Variants in RGS7 observed in about 807,000 individuals in gnomAD.
RGS7 encodes the protein regulator of G protein signaling 7, also known as regulator of G-protein signaling 7.
In RGS7, 27 loss-of-function variants were observed where a neutral mutation model predicts 81.1. The ratio of observed to expected loss-of-function variants is 0.33; its 90% CI spans 0.25 to 0.46. The LOEUF is 0.46. RGS7 is among the 20% of genes least tolerant of loss of function. The pLI is 1.00. For synonymous variants in RGS7, 208 were observed against 207.7 expected (o/e 1.00, Z -0.01); for missense variants, 396 against 607.4 (o/e 0.65, Z 3.66).
chr1:241,288,614 T>G (rs2078940424), intron 2 of RGS7, among the ~76,000 whole-genome samples: 1 of 152,170 alleles, frequency 6.6e-6, no homozygotes, highest in South Asian at 2.1e-4. Context: ...GGTGCTTTGC[T>G]GCAGAGCCCA....
At chr1:241,221,037 GGAA>G (rs2074941074) in intron 2 of RGS7, among the ~76,000 whole-genome samples, 1 of 80,152 alleles carries the variant, frequency 1.2e-5, no homozygotes, top group African/African-American at 4.7e-5. Context: ...AAGGAAGGAA[GGAA>G]AAGAAAGAAA....
At chr1:241,124,808 T>C (rs1387878707) in intron 2 of RGS7, among the ~76,000 whole-genome samples, 1 of 152,142 alleles carries the variant, frequency 6.6e-6, no homozygotes, top group African/African-American at 2.4e-5. Flanking sequence ...AGGAGAGCTA[T>C]GGAAGTAGTG....
intron 2 of RGS7, among the ~76,000 whole-genome samples, chr1:241,106,509 T>C (rs1477953061): frequency 1.3e-5 from 2 of 151,656 alleles, no homozygotes; most frequent in African/African-American, 4.8e-5. Context: ...AGGTCCGGAG[T>C]TTGAGACCAG....
At chr1:241,002,186 C>T (rs190859513) in intron 3 of RGS7, among the ~76,000 whole-genome samples, 2 of 152,198 alleles carry the variant, frequency 1.3e-5, no homozygotes, top group African/African-American at 4.8e-5. Flanking sequence ...ATGGCTCATG[C>T]TGGTAATCCC....
chr1:241,233,368 T>A (rs1248764569), intron 2 of RGS7, among the ~76,000 whole-genome samples: 1 of 152,190 alleles, frequency 6.6e-6, no homozygotes, highest in Non-Finnish European at 1.5e-5. Context: ...ATTAATCAAC[T>A]TCTCTTCCCT....
chr1:241,291,589 C>CTTTTTTTTTTTTTTTTTTTTTT (rs1237514486), intron 2 of RGS7, among the ~76,000 whole-genome samples: 2 of 40,802 alleles, frequency 4.9e-5, no homozygotes, highest in Non-Finnish European at 9.7e-5. Flanking sequence ...TTTTTTTTTG[C>CTTTTTTTTTTTTTTTTTTTTTT]TTTTTTGAGA....
At chr1:240,916,443 C>T (rs1334512202) in intron 6 of RGS7, among the ~76,000 whole-genome samples, 1 of 152,002 alleles carries the variant, frequency 6.6e-6, no homozygotes, top group African/African-American at 2.4e-5. Context: ...GAGATTTTCC[C>T]CAAGTTAATG....
chr1:241,321,440 G>A (rs569314025), intron 2 of RGS7, among the ~76,000 whole-genome samples: 3 of 152,174 alleles, frequency 2.0e-5, no homozygotes, highest in Admixed American at 6.5e-5. Context: ...CCTCACTCGG[G>A]CTCTATGCAC....
At chr1:241,155,904 C>G (rs779495980) in intron 2 of RGS7, among the ~76,000 whole-genome samples, 8 of 152,024 alleles carry the variant, frequency 5.3e-5, no homozygotes, top group Non-Finnish European at 7.4e-5. Context: ...GTCTCTTCTC[C>G]GTAAGCCTCA....
chr1:241,029,863 T>G (rs905311063), intron 3 of RGS7, among the ~76,000 whole-genome samples: 1 of 152,208 alleles, frequency 6.6e-6, no homozygotes, highest in African/African-American at 2.4e-5. Context: ...TTATTTCATT[T>G]CTCTTCTTAT....
At chr1:240,851,629 T>C (rs547303182) in intron 9 of RGS7, among the ~76,000 whole-genome samples, 10 of 152,314 alleles carry the variant, frequency 6.6e-5, no homozygotes, top group African/African-American at 1.7e-4. Context: ...GCAAAGTAAA[T>C]TGACAACTTT....
intron 4 of RGS7, among the ~76,000 whole-genome samples, chr1:240,963,257 T>C (rs1681755537): frequency 6.6e-6 from 1 of 152,118 alleles, no homozygotes; most frequent in Admixed American, 6.6e-5. Context: ...GAGATGCCCA[T>C]GAAACGTCCA....
At chr1:241,348,040 C>G (rs1277591126) in intron 2 of RGS7, among the ~76,000 whole-genome samples, 4 of 152,036 alleles carry the variant, frequency 2.6e-5, no homozygotes, top group Non-Finnish European at 5.9e-5. Flanking sequence ...CTGTGCTGTC[C>G]AATCCAATGG....
intron 2 of RGS7, among the ~76,000 whole-genome samples, chr1:241,294,929 G>C (rs6684760): frequency 0.13 from 20,155 of 152,142 alleles, 1,454 homozygotes; most frequent in Middle Eastern, 0.18. Context: ...ATAGTGGTGA[G>C]AGAAGAGAAA....
chr1:240,868,936 G>A lies in RGS7; in HGVS notation c.451-84C>T. The A allele has an allele frequency of 8.0e-7, 1 of 1,248,658 alleles. No homozygotes were observed. Among genetic ancestry groups the A allele is most frequent in the Non-Finnish European group, 1.2e-6 (1 of 847,540 alleles). The allele number at this position is 1,248,658 out of a possible 1,614,324, so 77.3% of individuals were successfully genotyped here. On this transcript the variant is annotated intron_variant, in intron 7 of 18. Coordinates refer to ENST00000440928, the MANE Select transcript of RGS7 (RefSeq NM_001364886.1). The surrounding 1 kb of genome is among the most constrained non-coding windows in gnomAD (Gnocchi z 5.1). ...CTTAGTTACCACTTGTATTTGTCAA[G>A]GAAACAAATAGAGAGTTTCTAAAGC...
chr1:240,908,215 G>T, intron 6 of RGS7, among the ~76,000 whole-genome samples: 1 of 124,718 alleles, frequency 8.0e-6, no homozygotes, highest in Non-Finnish European at 1.7e-5. Flanking sequence ...GGGGGAGGGG[G>T]GAGGGATAGC....
chr1:241,011,175 A>C (rs560396909), intron 3 of RGS7, among the ~76,000 whole-genome samples: 1 of 152,332 alleles, frequency 6.6e-6, no homozygotes, highest in African/African-American at 2.4e-5. Flanking sequence ...TTTGTTTTTC[A>C]CATTTTTAAA....
At chr1:240,891,165 A>G (rs261809) in intron 6 of RGS7, among the ~76,000 whole-genome samples, 86,739 of 151,956 alleles carry the variant, frequency 0.57, 25,311 homozygotes, top group African/African-American at 0.7. Flanking sequence ...AGATTCCTGA[A>G]AAACAGGTAA....
At chr1:241,267,176 C>A (rs554807274) in intron 2 of RGS7, among the ~76,000 whole-genome samples, 2 of 152,158 alleles carry the variant, frequency 1.3e-5, no homozygotes, top group Non-Finnish European at 2.9e-5. Context: ...CACTTCCCAG[C>A]GTCTTCCTCA....
Sources: allele counts gnomAD v4.1 joint callset (sites outside exome capture counted in the v4.1 genomes callset), GRCh38; gene constraint gnomAD v4.1.1; non-coding constraint Gnocchi (gnomAD v3.1); transcripts MANE v1.5; gene names NCBI Gene and HGNC (gene_info 2026-07-23, HGNC 2026-07-21).